CNDP2: variants seen among roughly 807,000 people sequenced by gnomAD.
CNDP2 encodes carnosine dipeptidase 2.
In CNDP2, 38 loss-of-function variants were observed where a neutral mutation model predicts 55.0. The ratio of observed to expected loss-of-function variants is 0.69; its 90% CI spans 0.53 to 0.90. The LOEUF is 0.90. Ranked by LOEUF, CNDP2 falls within the 40% of genes least tolerant of loss-of-function variation. The pLI is 0.00. For missense variants in CNDP2, 607 were observed against 621.7 expected, an observed-to-expected ratio of 0.98 and a Z score of 0.25; for synonymous variants, 241 against 260.2, an observed-to-expected ratio of 0.93 and a Z score of 0.71.
rs1568276390 is a variant in CNDP2 at position 74,500,013 on chromosome 18, A to T, written c.40A>T (p.Asn14Tyr). ...LTTLFKYIDE[N>Y]QDRYIKKLAK... ...TACCCTGTTTAAGTACATAGATGAAAATCAGGATCGCTACATTAAGGTAAG... is the reference window on the plus strand; with the variant it reads ...TACCCTGTTTAAGTACATAGATGAATATCAGGATCGCTACATTAAGGTAAG... Residue 14 changes from asparagine to tyrosine, a missense_variant, in exon 2 of 12, where the codon AAT (asparagine) becomes TAT (tyrosine). Transcript: ENST00000324262. The T allele has an allele frequency of 1.2e-6, 2 of 1,614,054 alleles. No individual in the cohort carries two copies. The highest frequency in any genetic ancestry group is 1.7e-6 in the Non-Finnish European group (2 of 1,179,954).
Position 74,518,561 on chromosome 18 carries a change from C to T in CNDP2, c.1131C>T (p.Tyr377=), listed in dbSNP as rs375330890. Residue 377 remains tyrosine (Y), a synonymous_variant, in exon 10 of 12, where the codon TAC becomes TAT. Transcript: ENST00000324262. ...ELRSPNEFKV[Y]MGHGGKPWVS... Reference sequence around the variant, plus strand: ...GCAGCCCCAATGAGTTCAAGGTGTACATGGGCCACGGTGGGAAGCCCTGGG... The same window carrying T: ...GCAGCCCCAATGAGTTCAAGGTGTATATGGGCCACGGTGGGAAGCCCTGGG... 2.0e-4 allele frequency: 321 copies of T among 1,614,114 alleles called. 3 individuals are homozygous for T. The highest frequency in any genetic ancestry group is 7.1e-4 in the South Asian group (65 of 91,092).
intron 4 of CNDP2, among the ~76,000 whole-genome samples, chr18:74,506,744 G>A (rs990498818): frequency 6.6e-6 from 1 of 152,226 alleles, no homozygotes; most frequent in Non-Finnish European, 1.5e-5. Context: ...TTCACCAAGT[G>A]CTTCCGTGGG....
chr18:74,507,970 T>C (rs997836533), intron 4 of CNDP2: 1 of 152,302 alleles, frequency 6.6e-6, no homozygotes, highest in Admixed American at 6.5e-5. Flanking sequence ...TTGTGAAAAG[T>C]TGGGTTTCAT....
At chr18:74,500,853 C>A (rs8096536) in intron 2 of CNDP2, among the ~76,000 whole-genome samples, 3 of 152,208 alleles carry the variant, frequency 2.0e-5, no homozygotes, top group African/African-American at 7.2e-5. Flanking sequence ...TTGATTTGAG[C>A]AAGCAGGCAG....
rs568772550 is a variant in CNDP2, at chr18:74,520,362, G to A, written c.*294G>A. On this transcript the variant is annotated 3_prime_UTR_variant, in exon 12 of 12. Transcript: ENST00000324262. ...TCCAAAAGCACAAGGTCTGCGGAAAGTTCTGGTTGTCGGCCGGGCACCACG... is the reference window on the plus strand; with the variant it reads ...TCCAAAAGCACAAGGTCTGCGGAAAATTCTGGTTGTCGGCCGGGCACCACG... 5.6e-5 allele frequency: 21 copies of A among 375,864 alleles called. No homozygotes were observed. Among genetic ancestry groups the A allele is most frequent in the African/African-American group, 4.2e-4 (20 of 47,848 alleles). 23.3% of individuals were successfully genotyped at this position (375,864 alleles called of 1,614,324 possible). A position where few individuals can be genotyped will look rare whatever the true frequency, so the allele number is the denominator to read the frequency against.
intron 3 of CNDP2, among the ~76,000 whole-genome samples, chr18:74,502,557 C>T (rs1364644175): frequency 1.3e-5 from 2 of 151,528 alleles, no homozygotes; most frequent in Non-Finnish European, 2.9e-5. Flanking sequence ...CCTGCCTTGG[C>T]ATCCCAAATT....
intron 3 of CNDP2, 113 bp from the exon 4 acceptor site, chr18:74,505,736 G>T: frequency 8.8e-7 from 1 of 1,141,568 alleles, no homozygotes; most frequent in East Asian, 2.6e-5. Flanking sequence ...CTACAATAGA[G>T]GTTGATTGAT....
intron 5 of CNDP2, among the ~76,000 whole-genome samples, chr18:74,510,606 C>G (rs1054539628): frequency 6.6e-6 from 1 of 152,180 alleles, no homozygotes. Flanking sequence ...CCAGAGAGCC[C>G]CACCTTGCGA....
intron 6 of CNDP2, among the ~76,000 whole-genome samples, chr18:74,511,707 C>CA (rs35283725): frequency 0.25 from 28,333 of 114,968 alleles, 3,055 homozygotes; most frequent in Admixed American, 0.35. Context: ...GACTCCACTT[C>CA]AAAAAAAAAA....
At position 74,496,363 on chromosome 18, in the gene CNDP2, C is replaced by G. The variant is rs540598075; in HGVS notation, c.-161C>G. 6.6e-6 allele frequency: 1 copy of G among 152,348 alleles called. No individual in the cohort carries two copies. Among genetic ancestry groups the G allele is most frequent in the African/African-American group, 2.4e-5 (1 of 41,454 alleles). The allele number at this position is 152,348 out of a possible 1,614,324, so 9.4% of individuals were successfully genotyped here. On this transcript the variant is annotated 5_prime_UTR_variant, in exon 1 of 12. Coordinates refer to ENST00000324262, the MANE Select transcript of CNDP2 (RefSeq NM_018235.3). ...AGCGCCGGGGGTCGTGGCCGGGACA[C>G]GTGGTACGGAACCGGCGCCGCGCTT... is the stretch of plus-strand genomic sequence containing the variant.
chr18:74,502,804 G>A (rs573668397), intron 3 of CNDP2, among the ~76,000 whole-genome samples: 416 of 152,222 alleles, frequency 2.7e-3, no homozygotes, highest in African/African-American at 9.0e-3. Flanking sequence ...TCAGTTCAGC[G>A]CATTCGTTTC....
At chr18:74,496,951 C>T (rs1451069548) in intron 1 of CNDP2, among the ~76,000 whole-genome samples, 1 of 152,192 alleles carries the variant, frequency 6.6e-6, no homozygotes. Flanking sequence ...CCCTAGCTCC[C>T]GCCAGCATTT....
chr18:74,501,184 G>A (rs751909264), intron 2 of CNDP2, 145 bp from the exon 3 acceptor site: 42 of 1,406,398 alleles, frequency 3.0e-5, no homozygotes, highest in South Asian at 2.2e-4. Flanking sequence ...CAAAGCACAC[G>A]TGATGGGTCT....
rs149676530 is a variant in CNDP2 at position 74,516,383 on chromosome 18, C to T, written c.1059C>T (p.Val353=). The part of the protein sequence containing the change: ...RLVPNMTPEV[V]GEQVTSYLTK... Reference sequence around the variant, plus strand: ...TGCCGAACATGACTCCTGAAGTCGTCGGCGAGCAGGCATGTGGGGCTGGGA... The same window carrying T: ...TGCCGAACATGACTCCTGAAGTCGTTGGCGAGCAGGCATGTGGGGCTGGGA... The change falls in exon 9 of 12, where the codon GTC becomes GTT. Residue 353 remains valine, a synonymous_variant. Transcript: ENST00000324262. 1.1e-4 allele frequency: 174 copies of T among 1,609,394 alleles called. 1 individual carries two copies. In the African/African-American group the frequency reaches 1.1e-3, roughly 10 times the overall value.
chr18:74,519,114 G>A lies in CNDP2; in HGVS notation c.1358+18G>A, dbSNP rs747179453. ...CTCAACAGGTGAGAGTCCAGGGTGC[G>A]GCCCAGGTTGGCGTCTCCTGCACAG... On this transcript the variant is annotated intron_variant, in intron 11 of 11. Transcript: ENST00000324262. 1.6e-5 allele frequency: 26 copies of A among 1,589,752 alleles called. No individual in the cohort carries two copies. Among genetic ancestry groups the A allele is most frequent in the East Asian group, 2.3e-5 (1 of 44,402 alleles).
Position 74,501,472 on chromosome 18 carries a change from G to C in CNDP2, c.204G>C (p.Lys68Asn). The C allele has an allele frequency of 6.2e-7, 1 of 1,612,814 alleles. No homozygotes were observed. Among genetic ancestry groups the C allele is most frequent in the Non-Finnish European group, 8.5e-7 (1 of 1,179,356 alleles). ...AACTGGTGGATATCGGAAAACAAAA[G>C]GTAGGAGGCAACATTCTTTGCATTG... ...SVELVDIGKQ[K>N]LPDGSEIPLP... The change falls in exon 3 of 12, where the codon AAG (lysine) becomes AAC (asparagine). Residue 68 changes from lysine to asparagine, a missense_variant and splice_region_variant. Lys to Asn is a moderately conservative substitution (Grantham distance 94). Transcript: ENST00000324262.
At chr18:74,514,629 G>A (rs1260075459) in intron 8 of CNDP2, among the ~76,000 whole-genome samples, 1 of 125,538 alleles carries the variant, frequency 8.0e-6, no homozygotes, top group Non-Finnish European at 1.8e-5. Flanking sequence ...TATGTGGTAT[G>A]GATGTAAGTT....
chr18:74,516,648 C>T, intron 9 of CNDP2: 1 of 458,330 alleles, frequency 2.2e-6, no homozygotes, highest in Non-Finnish European at 3.9e-6. Flanking sequence ...GGCTCCAGGC[C>T]AAACACCAAC....
At chr18:74,499,838 G>T (rs1568276275) in intron 1 of CNDP2, 44 bp from the exon 2 acceptor site, 2 of 664,858 alleles carry the variant, frequency 3.0e-6, no homozygotes, top group Non-Finnish European at 5.1e-6. Context: ...GGCTGGGAGG[G>T]TGGGGCAACA....
Sources: allele counts gnomAD v4.1 joint callset (sites outside exome capture counted in the v4.1 genomes callset), GRCh38; gene constraint gnomAD v4.1.1; transcripts MANE v1.5; gene names NCBI Gene and HGNC (gene_info 2026-07-23, HGNC 2026-07-21).